Variants in DNAAF6 observed in about 807,000 individuals in gnomAD.
The protein encoded by DNAAF6 is PIH1 domain containing 3.
In DNAAF6, 3 loss-of-function variants were observed where a neutral mutation model predicts 13.7. The observed-to-expected ratio is 0.22, with a 90% confidence interval of 0.10 to 0.56. The LOEUF (loss-of-function observed/expected upper bound fraction) is 0.56, where lower values mean the gene tolerates loss of function less well. Among genes scored for constraint, DNAAF6 ranks in the 20% least tolerant of loss-of-function variants. The pLI, the probability that DNAAF6 is intolerant of heterozygous loss-of-function variation, is 0.92. For missense variants in DNAAF6, 130 were observed against 151.0 expected, an observed-to-expected ratio of 0.86 and a Z score of 0.73; for synonymous variants, 54 against 49.2, an observed-to-expected ratio of 1.10 and a Z score of -0.41.
chrX:107,242,836 A>G (rs1325461628), intron 6 of DNAAF6, among the ~76,000 whole-genome samples: 9 of 111,919 alleles, frequency 8.0e-5, no homozygotes, highest in African/African-American at 1.9e-4. Flanking sequence ...GCATCTATAC[A>G]TAAGTATGAG....
intron 2 of DNAAF6, among the ~76,000 whole-genome samples, chrX:107,215,706 C>G (rs773599351): frequency 4.5e-5 from 5 of 111,563 alleles, no homozygotes; most frequent in Non-Finnish European, 3.8e-5. Context: ...ACAAGACATT[C>G]TAACTTTTGT....
chrX:107,230,661 C>T (rs12847061), intron 5 of DNAAF6, among the ~76,000 whole-genome samples: 6,583 of 111,421 alleles, frequency 0.059, 184 homozygotes, highest in South Asian at 0.23. Context: ...CCAGCCTGGG[C>T]GACTCCGTCT....
intron 5 of DNAAF6, among the ~76,000 whole-genome samples, chrX:107,235,988 G>T (rs911035194): frequency 9.1e-6 from 1 of 109,649 alleles, no homozygotes; most frequent in African/African-American, 3.3e-5. Context: ...AAATAAATTA[G>T]CCAGGTGTGG....
intron 5 of DNAAF6, 86 bp downstream of exon 5, chrX:107,222,927 G>A (rs2147831481): frequency 1.9e-6 from 2 of 1,051,666 alleles, no homozygotes; most frequent in East Asian, 3.4e-5. Context: ...TTGTAGGCAA[G>A]GTTGTAAACT....
intron 6 of DNAAF6, 79 bp from the exon 7 acceptor site, chrX:107,243,090 T>C: frequency 9.4e-7 from 1 of 1,062,349 alleles, no homozygotes; most frequent in South Asian, 2.0e-5. Flanking sequence ...TCTAGTGGCA[T>C]ATGTTGTTTG....
At chrX:107,242,261 G>T (rs1406128997) in intron 6 of DNAAF6, among the ~76,000 whole-genome samples, 1 of 111,970 alleles carries the variant, frequency 8.9e-6, no homozygotes, top group Non-Finnish European at 1.9e-5. Flanking sequence ...TTTTTGCAAA[G>T]GAATAAAGAA....
chrX:107,236,395 G>A (rs767607032), intron 5 of DNAAF6, among the ~76,000 whole-genome samples: 25 of 111,972 alleles, frequency 2.2e-4, no homozygotes, highest in African/African-American at 7.4e-4. Flanking sequence ...GGTCTTGAGC[G>A]CAATCAGTTA....
At chrX:107,239,921 C>T (rs979923125) in intron 6 of DNAAF6, among the ~76,000 whole-genome samples, 1 of 111,724 alleles carries the variant, frequency 9.0e-6, no homozygotes, top group Non-Finnish European at 1.9e-5. Flanking sequence ...CACGAATTTA[C>T]TCTTCCACAT....
chrX:107,235,784 G>T (rs1928499713), intron 5 of DNAAF6, among the ~76,000 whole-genome samples: 2 of 95,121 alleles, frequency 2.1e-5, no homozygotes, highest in Non-Finnish European at 4.0e-5. Flanking sequence ...TTATAAATTG[G>T]GGGGGGGAGG....
intron 3 of DNAAF6, among the ~76,000 whole-genome samples, chrX:107,218,527 GGAGAGA>G (rs377686671): frequency 9.3e-6 from 1 of 107,049 alleles, no homozygotes; most frequent in East Asian, 2.9e-4. Context: ...ATATGTATAT[GGAGAGA>G]GAGAGAGAGA....
chrX:107,219,772 T>C (rs985768631), intron 4 of DNAAF6, among the ~76,000 whole-genome samples: 1 of 108,835 alleles, frequency 9.2e-6, no homozygotes, highest in African/African-American at 3.4e-5. Context: ...TGACAACTTT[T>C]CTAATACTGA....
At chrX:107,223,191 T>C (rs753314360) in intron 5 of DNAAF6, among the ~76,000 whole-genome samples, 2 of 111,675 alleles carry the variant, frequency 1.8e-5, no homozygotes, top group South Asian at 7.5e-4. Context: ...TATTAACTTA[T>C]GATGAATTGA....
chrX:107,214,145 G>A (rs1927922681), intron 2 of DNAAF6, among the ~76,000 whole-genome samples: 1 of 111,566 alleles, frequency 9.0e-6, no homozygotes, highest in Non-Finnish European at 1.9e-5. Context: ...TTTAGTCAGG[G>A]AAAAGTCTTA....
At chrX:107,243,079 C>A in intron 6 of DNAAF6, 90 bp from the exon 7 acceptor site, 3 of 996,109 alleles carry the variant, frequency 3.0e-6, no homozygotes, top group South Asian at 2.1e-5. Context: ...TTTTCTAACA[C>A]TCTAGTGGCA....
intron 4 of DNAAF6, among the ~76,000 whole-genome samples, chrX:107,222,483 A>G (rs535830332): frequency 1.8e-5 from 2 of 110,933 alleles, no homozygotes; most frequent in Non-Finnish European, 3.8e-5. Flanking sequence ...CCCTCAATCT[A>G]TTTTATTTGT....
intron 5 of DNAAF6, among the ~76,000 whole-genome samples, chrX:107,238,337 G>A (rs1928563011): frequency 2.7e-5 from 3 of 111,014 alleles, no homozygotes; most frequent in Admixed American, 1.9e-4. Context: ...TGGGCCATGT[G>A]GTAATTGAGA....
chrX:107,243,172 G>A lies in DNAAF6; in HGVS notation c.519G>A (p.Lys173=), dbSNP rs772103393. The change falls in exon 7 of 7, where the codon AAG becomes AAA. Residue 173 remains lysine, a synonymous_variant. Coordinates refer to ENST00000372453, the MANE Select transcript of DNAAF6 (RefSeq NM_173494.2). ...TILDLRTPQK[K]LLITLPELVE... Reference sequence around the variant, plus strand: ...TTATTTTGTTGTTTTTTTTTAGGAAGCTGTTGATAACTCTTCCTGAGCTGG... The same window carrying A: ...TTATTTTGTTGTTTTTTTTTAGGAAACTGTTGATAACTCTTCCTGAGCTGG... The A allele has an allele frequency of 3.3e-6, 4 of 1,194,529 alleles. No individual in the cohort carries two copies. In the East Asian group the frequency reaches 8.9e-5, roughly 27 times the overall value.
intron 5 of DNAAF6, among the ~76,000 whole-genome samples, chrX:107,232,103 C>T (rs1928415797): frequency 8.9e-6 from 1 of 111,994 alleles, no homozygotes; most frequent in African/African-American, 3.2e-5. Context: ...AGTGATCCAC[C>T]CACCTTGGCC....
chrX:107,225,794 T>G (rs1163339991), intron 5 of DNAAF6, among the ~76,000 whole-genome samples: 1 of 111,346 alleles, frequency 9.0e-6, no homozygotes, highest in African/African-American at 3.3e-5. Flanking sequence ...CCTTCGAACC[T>G]CAAACCCAAA....
Sources: gnomAD v4.1 joint callset for allele counts (sites outside exome capture counted in the v4.1 genomes callset) on GRCh38, gnomAD v4.1.1 for gene constraint, MANE v1.5 for transcripts, NCBI Gene and HGNC (gene_info 2026-07-23, HGNC 2026-07-21) for gene names.